Variants in BCL11A observed in about 807,000 individuals in gnomAD.
BCL11A encodes BCL11 transcription factor A.
In BCL11A, 2 loss-of-function variants were observed where a neutral mutation model predicts 55.9. The ratio of observed to expected loss-of-function variants is 0.04; its 90% CI spans 0.01 to 0.11. The LOEUF (loss-of-function observed/expected upper bound fraction) is 0.11, where lower values mean the gene tolerates loss of function less well. Among genes scored for constraint, BCL11A ranks in the 10% least tolerant of loss-of-function variants. The pLI, the probability that BCL11A is intolerant of heterozygous loss-of-function variation, is 1.00. For synonymous variants in BCL11A, 465 were observed against 473.4 expected (o/e 0.98, Z 0.23); for missense variants, 817 against 1,137.1 (o/e 0.72, Z 4.05).
chr2:60,491,689 G>GAAAAAAGGA (rs1678644705), intron 2 of BCL11A, among the ~76,000 whole-genome samples: 1 of 134,758 alleles, frequency 7.4e-6, no homozygotes, highest in Non-Finnish European at 1.6e-5. Flanking sequence ...AAAGAAAAAA[G>GAAAAAAGGA]AAAAAAAAAA....
downstream of BCL11A, among the ~76,000 whole-genome samples, chr2:60,454,229 A>G (rs138514788): frequency 6.6e-6 from 1 of 152,222 alleles, no homozygotes; most frequent in East Asian, 1.9e-4. Context: ...TACACATCAT[A>G]CCAATTCCCT....
In BCL11A at chr2:60,511,303, C is replaced by A. The variant is rs529731376; in HGVS notation, c.385+34668G>T. On this transcript the variant is annotated intron_variant, in intron 2 of 3. Coordinates refer to ENST00000642384, the MANE Select transcript of BCL11A (RefSeq NM_022893.4). ...GAAAAGCTAAAATACCCTTTCCCAC[C>A]CTAGCATACAATTTGACAGGTGAAT... 3.9e-5 allele frequency among the ~76,000 whole-genome samples: 6 copies of A among 152,234 alleles called. 1 individual carries two copies. Among genetic ancestry groups the A allele is most frequent in the Admixed American group, 3.9e-4 (6 of 15,286 alleles).
intron 3 of BCL11A, among the ~76,000 whole-genome samples, chr2:60,466,621 C>T (rs1229938478): frequency 1.3e-5 from 2 of 152,182 alleles, no homozygotes; most frequent in African/African-American, 2.4e-5. Context: ...AAACAACTGG[C>T]TTTGAATCTG....
chr2:60,452,695 G>A (rs749199891), downstream of BCL11A: 3 of 1,550,470 alleles, frequency 1.9e-6, no homozygotes, highest in East Asian at 2.2e-5. Flanking sequence ...CAGAGGAGGG[G>A]GAAAAAAAAA....
At chr2:60,526,617 T>C (rs1669213430) in intron 2 of BCL11A, 1 of 152,234 alleles carries the variant, frequency 6.6e-6, no homozygotes, top group Admixed American at 6.5e-5. Flanking sequence ...AAAGATAGTG[T>C]AATTTGATGG....
rs547153547 is a variant in BCL11A at position 60,472,185 on chromosome 2, A to G, written c.386-3352T>C. On this transcript the variant is annotated intron_variant, in intron 2 of 3. Coordinates refer to ENST00000642384, the MANE Select transcript of BCL11A (RefSeq NM_022893.4). ...GACAGGGAACAGGTCCAGGCTCTCCATCAGGTCCAGGGCCTTCTTAGCATG... is the reference window on the plus strand; with the variant it reads ...GACAGGGAACAGGTCCAGGCTCTCCGTCAGGTCCAGGGCCTTCTTAGCATG... Among the ~76,000 whole-genome samples the G allele has an allele frequency of 3.3e-5, 5 of 152,316 alleles. No individual in the cohort carries two copies. In the East Asian group the frequency reaches 9.6e-4, roughly 29 times the overall value.
chr2:60,481,940 A>G (rs572525229), intron 2 of BCL11A, among the ~76,000 whole-genome samples: 1 of 152,316 alleles, frequency 6.6e-6, no homozygotes, highest in East Asian at 1.9e-4. Context: ...CCACCTAGGT[A>G]TAGAGACCTT....
intron 2 of BCL11A, among the ~76,000 whole-genome samples, chr2:60,471,523 T>C (rs1392199756): frequency 2.0e-5 from 3 of 152,226 alleles, no homozygotes; most frequent in Non-Finnish European, 4.4e-5. Flanking sequence ...TATGATGCCT[T>C]CAATTATTTC....
At chr2:60,548,630 C>G (rs1171491324) in intron 1 of BCL11A, among the ~76,000 whole-genome samples, 1 of 152,162 alleles carries the variant, frequency 6.6e-6, no homozygotes, top group Non-Finnish European at 1.5e-5. Flanking sequence ...AACCTGTAAC[C>G]TCAACATTTT....
At chr2:60,472,396 C>T (rs1012869915) in intron 2 of BCL11A, among the ~76,000 whole-genome samples, 5 of 152,134 alleles carry the variant, frequency 3.3e-5, no homozygotes, top group Admixed American at 2.0e-4. Flanking sequence ...TTTCAAATGT[C>T]TTACACTTTT....
At chr2:60,540,388 C>G (rs1051107252) in intron 2 of BCL11A, among the ~76,000 whole-genome samples, 3 of 152,126 alleles carry the variant, frequency 2.0e-5, no homozygotes, top group African/African-American at 4.8e-5. Flanking sequence ...AGGGTGTGAA[C>G]AGACCAACCA....
intron 2 of BCL11A, among the ~76,000 whole-genome samples, chr2:60,532,359 G>T: frequency 6.8e-6 from 1 of 147,342 alleles, no homozygotes. Context: ...AAACTATTCT[G>T]TCATTTCCAG....
intron 2 of BCL11A, among the ~76,000 whole-genome samples, chr2:60,521,101 T>TCA (rs10607148): frequency 8.4e-3 from 224 of 26,648 alleles, no homozygotes; most frequent in East Asian, 0.04. Flanking sequence ...ACACACACAC[T>TCA]CACACACACA....
At chr2:60,486,003 C>A (rs915830858) in intron 2 of BCL11A, among the ~76,000 whole-genome samples, 3 of 151,716 alleles carry the variant, frequency 2.0e-5, no homozygotes, top group Middle Eastern at 3.2e-3. Context: ...TCCTCTCCCC[C>A]ACCACACGTA....
At chr2:60,507,774 G>A (rs1189691161) in intron 2 of BCL11A, among the ~76,000 whole-genome samples, 3 of 152,104 alleles carry the variant, frequency 2.0e-5, no homozygotes, top group African/African-American at 4.8e-5. Context: ...GGGGGGCGAC[G>A]GGTGCGGGGA....
intron 1 of BCL11A, among the ~76,000 whole-genome samples, chr2:60,552,726 C>T (rs575660400): frequency 6.6e-5 from 10 of 152,262 alleles, no homozygotes; most frequent in South Asian, 6.2e-4. Flanking sequence ...CCTCTTTTCT[C>T]CCCGGGAATC....
chr2:60,485,889 A>C (rs1000366287), intron 2 of BCL11A, among the ~76,000 whole-genome samples: 2 of 152,162 alleles, frequency 1.3e-5, no homozygotes, highest in African/African-American at 4.8e-5. Flanking sequence ...GAAATAATAC[A>C]TTGCTGCATC....
At position 60,458,652 on chromosome 2, in the gene BCL11A, A is replaced by AT. The variant is rs889385202; in HGVS notation, c.*1751dup. On this transcript the variant is annotated 3_prime_UTR_variant, in exon 4 of 4. Transcript: ENST00000642384. The stretch of plus-strand genomic sequence containing the variant: ...ATGCTCCTCAATGAGATTGTGTTCA[A>AT]TTTTTTTTCAGCATTCTTGCAACTT... 393 of 1,030,724 alleles carry AT rather than the reference A, an allele frequency of 3.8e-4. No individual in the cohort carries two copies. Among genetic ancestry groups the AT allele is most frequent in the Admixed American group, 9.2e-4 (16 of 17,436 alleles). 63.8% of individuals were successfully genotyped at this position (1,030,724 alleles called of 1,614,324 possible).
chr2:60,541,883 T>G (rs1240529780), intron 2 of BCL11A: 1 of 703,512 alleles, frequency 1.4e-6, no homozygotes, highest in Non-Finnish European at 2.6e-6. Flanking sequence ...CATTTACAAT[T>G]ACACCATAAG....
Sources: gnomAD v4.1 joint callset for allele counts (sites outside exome capture counted in the v4.1 genomes callset) on GRCh38, gnomAD v4.1.1 for gene constraint, MANE v1.5 for transcripts, NCBI Gene and HGNC (gene_info 2026-07-23, HGNC 2026-07-21) for gene names.